PTPN11: variants seen among roughly 807,000 people sequenced by gnomAD.
The protein encoded by PTPN11 is tyrosine-protein phosphatase non-receptor type 11.
In PTPN11, 6 loss-of-function variants were observed where a neutral mutation model predicts 78.8. The ratio of observed to expected loss-of-function variants is 0.08; its 90% CI spans 0.04 to 0.15. The LOEUF (loss-of-function observed/expected upper bound fraction) is 0.15. Among genes scored for constraint, PTPN11 ranks in the 10% least tolerant of loss-of-function variants. The pLI, the probability that PTPN11 is intolerant of heterozygous loss-of-function variation, is 1.00. For missense variants in PTPN11, 386 were observed against 744.8 expected (o/e 0.52, Z 5.61); for synonymous variants, 221 against 263.5 (o/e 0.84, Z 1.56).
intron 6 of PTPN11, among the ~76,000 whole-genome samples, chr12:112,458,037 A>G (rs940202076): frequency 2.0e-5 from 3 of 152,302 alleles, no homozygotes; most frequent in South Asian, 2.1e-4. Flanking sequence ...TACAATTTAT[A>G]AATATTTGTG....
At chr12:112,422,302 A>G (rs2037533549) in intron 1 of PTPN11, among the ~76,000 whole-genome samples, 1 of 152,214 alleles carries the variant, frequency 6.6e-6, no homozygotes, top group African/African-American at 2.4e-5. Flanking sequence ...GATATCTCTC[A>G]GCATCATAGG....
chr12:112,441,235 A>C (rs2037885071), intron 1 of PTPN11, among the ~76,000 whole-genome samples: 1 of 151,204 alleles, frequency 6.6e-6, no homozygotes, highest in African/African-American at 2.4e-5. Flanking sequence ...AAGTGCTGGG[A>C]TTACAAGCAT....
intron 13 of PTPN11, among the ~76,000 whole-genome samples, chr12:112,500,783 G>C (rs2038865613): frequency 6.6e-6 from 1 of 152,032 alleles, no homozygotes; most frequent in African/African-American, 2.4e-5. Flanking sequence ...GTAGAGACAG[G>C]GTTTTGCCAT....
chr12:112,450,275 CTT>C, intron 2 of PTPN11, 41 bp from the exon 3 acceptor site: 1 of 1,518,298 alleles, frequency 6.6e-7, no homozygotes, highest in Non-Finnish European at 9.1e-7. Context: ...TGGTGTAACT[CTT>C]TATTTGTCCC....
rs571054326 is a variant in PTPN11, at chr12:112,480,580, G to A, written c.1093-1494G>A. 7.9e-5 allele frequency among the ~76,000 whole-genome samples: 12 copies of A among 152,020 alleles called. No individual in the cohort carries two copies. In the East Asian group the frequency reaches 2.3e-3, roughly 29 times the overall value. On this transcript the variant is annotated intron_variant, in intron 9 of 15. Coordinates refer to ENST00000351677, the MANE Select transcript of PTPN11 (RefSeq NM_002834.5). ...AGGTTTCACCATGTTGGCCAGGCTG[G>A]TCTCAAACTCCTGGCCTCAAGTGAT...
At chr12:112,505,058 G>A (rs1382777175) in intron 15 of PTPN11, among the ~76,000 whole-genome samples, 1 of 152,246 alleles carries the variant, frequency 6.6e-6, no homozygotes, top group Non-Finnish European at 1.5e-5. Context: ...ACTGGTGGTA[G>A]AGTGCAGGTA....
rs570918950 is a variant in PTPN11 at position 112,479,825 on chromosome 12, A to G, written c.1092+1810A>G. ...CCTGGATAGACAGGCATTAGGGCCA[A>G]ATCACTCTGCCCCACCCCTCACCAC... On this transcript the variant is annotated intron_variant, in intron 9 of 15. Coordinates refer to ENST00000351677, the MANE Select transcript of PTPN11 (RefSeq NM_002834.5). Among the ~76,000 whole-genome samples the G allele has an allele frequency of 2.6e-5, 4 of 152,276 alleles. No individual in the cohort carries two copies. The South Asian group carries it at 6.2e-4, about 24-fold the overall frequency.
intron 6 of PTPN11, among the ~76,000 whole-genome samples, chr12:112,465,132 G>A (rs1277729778): frequency 1.3e-5 from 2 of 152,094 alleles, no homozygotes; most frequent in Non-Finnish European, 2.9e-5. Context: ...TTGCATGGTT[G>A]TATTGAAAAG....
chr12:112,437,051 T>G (rs1004703235), intron 1 of PTPN11, among the ~76,000 whole-genome samples: 7 of 152,172 alleles, frequency 4.6e-5, no homozygotes, highest in African/African-American at 1.7e-4. Flanking sequence ...GCCCCTGGAT[T>G]TTGAGTCATA....
Position 112,482,329 on chromosome 12 carries a change from AT to A in PTPN11, c.1224+127del. On this transcript the variant is annotated intron_variant, in intron 10 of 15. Transcript: ENST00000351677. This position sits in a 1 kb window ranked among gnomAD's most constrained non-coding sequence, Gnocchi z 4.4. ...TCGCTCACTCATTGATTCAGTAGCC[AT>A]TTATTAGCTTCCTTCTATGTGCCAG... is the stretch of plus-strand genomic sequence containing the variant. 1.8e-6 allele frequency: 2 copies of A among 1,134,004 alleles called. No individual in the cohort carries two copies. The highest frequency in any genetic ancestry group is 2.6e-6 in the Non-Finnish European group (2 of 761,032). The allele number at this position is 1,134,004 out of a possible 1,614,324, so 70.2% of individuals were successfully genotyped here. A position where few individuals can be genotyped will look rare whatever the true frequency, so the allele number is the denominator to read the frequency against.
intron 9 of PTPN11, among the ~76,000 whole-genome samples, chr12:112,479,483 A>T (rs781605692): frequency 3.0e-4 from 45 of 151,790 alleles, no homozygotes; most frequent in Admixed American, 8.5e-4. Context: ...TCATTGTTGT[A>T]CTCCTAGTTG....
At chr12:112,427,176 G>A (rs1048457912) in intron 1 of PTPN11, among the ~76,000 whole-genome samples, 1 of 151,932 alleles carries the variant, frequency 6.6e-6, no homozygotes, top group African/African-American at 2.4e-5. Flanking sequence ...AACCTGGAAG[G>A]TGGAGGTTGC....
intron 1 of PTPN11, among the ~76,000 whole-genome samples, chr12:112,424,956 TTGTG>T (rs34463047): frequency 0.076 from 6,668 of 88,014 alleles, 369 homozygotes; most frequent in East Asian, 0.35. Flanking sequence ...GTCAGGCTAA[TTGTG>T]TGTGTGTGTG....
chr12:112,440,299 A>C (rs574483786), intron 1 of PTPN11, among the ~76,000 whole-genome samples: 23 of 152,098 alleles, frequency 1.5e-4, no homozygotes, highest in Non-Finnish European at 2.6e-4. Flanking sequence ...TTTGAGACGG[A>C]ATCTTGCTCT....
intron 10 of PTPN11, among the ~76,000 whole-genome samples, chr12:112,483,661 T>G (rs2135908774): frequency 6.6e-6 from 1 of 152,222 alleles, no homozygotes; most frequent in African/African-American, 2.4e-5. Flanking sequence ...TTCTAGGGAT[T>G]AGGACCAATT....
intron 2 of PTPN11, among the ~76,000 whole-genome samples, chr12:112,446,832 C>T (rs1334742922): frequency 1.3e-5 from 2 of 152,048 alleles, no homozygotes; most frequent in South Asian, 2.1e-4. Flanking sequence ...CCTCGGCCTC[C>T]CAAAGTGTTA....
At chr12:112,459,386 C>G (rs2038212850) in intron 6 of PTPN11, among the ~76,000 whole-genome samples, 1 of 151,904 alleles carries the variant, frequency 6.6e-6, no homozygotes, top group Admixed American at 6.6e-5. Flanking sequence ...TCTTTTTCGA[C>G]TCTGCCCCAC....
At chr12:112,493,534 A>G (rs2038779628) in intron 13 of PTPN11, among the ~76,000 whole-genome samples, 1 of 150,882 alleles carries the variant, frequency 6.6e-6, no homozygotes, top group Non-Finnish European at 1.5e-5. Context: ...GACTACAGGT[A>G]CCCGCCACCA....
At position 112,453,210 on chromosome 12, in the gene PTPN11, T is replaced by G. The variant is rs1482410266; in HGVS notation, c.348T>G (p.His116Gln). The change falls in exon 4 of 16, where the codon CAT becomes CAG. Residue 116 changes from histidine (H) to glutamine (Q), a missense_variant. Coordinates refer to ENST00000351677, the MANE Select transcript of PTPN11 (RefSeq NM_002834.5). ...AAAACTTTAGGTGGTTTCATGGACATCTCTCTGGGAAAGAAGCAGAGAAAT... is the reference window on the plus strand; with the variant it reads ...AAAACTTTAGGTGGTTTCATGGACAGCTCTCTGGGAAAGAAGCAGAGAAAT... Reference protein sequence around the residue: ...DPTSERWFHGHLSGKEAEKLL... With the variant: ...DPTSERWFHGQLSGKEAEKLL... 1.2e-6 allele frequency: 2 copies of G among 1,612,156 alleles called. No individual in the cohort carries two copies. Among genetic ancestry groups the G allele is most frequent in the Non-Finnish European group, 8.5e-7 (1 of 1,179,896 alleles).
Sources: gnomAD v4.1 joint callset for allele counts (sites outside exome capture counted in the v4.1 genomes callset) on GRCh38, gnomAD v4.1.1 for gene constraint, Gnocchi (gnomAD v3.1) non-coding constraint, MANE v1.5 for transcripts, NCBI Gene and HGNC (gene_info 2026-07-23, HGNC 2026-07-21) for gene names.